EDNRB: variants seen among roughly 807,000 people sequenced by gnomAD.
EDNRB encodes endothelin receptor type B.
A neutral mutation model predicts 46.4 loss-of-function variants in EDNRB; 18 were observed. The observed-to-expected ratio is 0.39, with a 90% confidence interval of 0.27 to 0.57. The LOEUF is 0.57. EDNRB is among the 20% of genes least tolerant of loss of function. The pLI, the probability that EDNRB is intolerant of heterozygous loss-of-function variation, is 0.61. For synonymous variants in EDNRB, 213 were observed against 204.9 expected (o/e 1.04, Z -0.34); for missense variants, 434 against 537.5 (o/e 0.81, Z 1.90).
chr13:77,916,822 A>T (rs1879828660), intron 1 of EDNRB, among the ~76,000 whole-genome samples: 1 of 152,214 alleles, frequency 6.6e-6, no homozygotes, highest in African/African-American at 2.4e-5. Context: ...TTTTATGTGC[A>T]ACTTTCTATT....
chr13:77,962,054 C>T (rs548770633), intron 1 of EDNRB, among the ~76,000 whole-genome samples: 2 of 152,218 alleles, frequency 1.3e-5, no homozygotes, highest in South Asian at 4.1e-4. Context: ...TTCCTGGACA[C>T]GTACACCCTC....
intron 1 of EDNRB, among the ~76,000 whole-genome samples, chr13:77,935,285 C>G (rs1453626400): frequency 6.6e-6 from 1 of 152,150 alleles, no homozygotes; most frequent in African/African-American, 2.4e-5. Flanking sequence ...AGTCCCAGTT[C>G]TTGTGTAAGA....
upstream of EDNRB, chr13:77,919,527 C>A: frequency 6.2e-7 from 1 of 1,612,766 alleles, no homozygotes; most frequent in African/African-American, 1.3e-5. Context: ...GGGTCCGGCT[C>A]TGACGAAACG....
chr13:77,907,796 G>A (rs1247403966), intron 1 of EDNRB, among the ~76,000 whole-genome samples: 2 of 151,766 alleles, frequency 1.3e-5, no homozygotes, highest in Non-Finnish European at 2.9e-5. Flanking sequence ...GCCATGTTTT[G>A]AGGTTTCCAT....
intron 1 of EDNRB, among the ~76,000 whole-genome samples, chr13:77,916,898 T>A (rs1879831726): frequency 6.8e-6 from 1 of 146,408 alleles, no homozygotes; most frequent in African/African-American, 2.5e-5. Flanking sequence ...ATTTTCCAAC[T>A]GTTTTATTTA....
intron 1 of EDNRB, among the ~76,000 whole-genome samples, chr13:77,968,828 A>G (rs1219563186): frequency 1.3e-5 from 2 of 152,158 alleles, no homozygotes; most frequent in Non-Finnish European, 2.9e-5. Context: ...AAAATTGTGT[A>G]CTGCTCCTTA....
At chr13:77,912,713 T>G (rs1180188617) in intron 1 of EDNRB, among the ~76,000 whole-genome samples, 1 of 152,154 alleles carries the variant, frequency 6.6e-6, no homozygotes, top group African/African-American at 2.4e-5. Flanking sequence ...TAACACGTTT[T>G]AAAAGTTAAT....
At chr13:77,961,380 G>GAAAGTATATTCCACCCTCCTAAGAC (rs1881407000) in intron 1 of EDNRB, among the ~76,000 whole-genome samples, 4 of 152,156 alleles carry the variant, frequency 2.6e-5, no homozygotes, top group African/African-American at 9.7e-5. Context: ...ATAGTTGGAA[G>GAAAGTATATTCCACCCTCCTAAGAC]TAAAGCACTC....
chr13:77,972,462 C>T (rs2137697212), intron 1 of EDNRB, among the ~76,000 whole-genome samples: 1 of 152,264 alleles, frequency 6.6e-6, no homozygotes, highest in Admixed American at 6.5e-5. Flanking sequence ...CGGGGCAGTT[C>T]ATCCTTGCTC....
intron 1 of EDNRB, among the ~76,000 whole-genome samples, chr13:77,916,009 A>T (rs1879790242): frequency 6.6e-6 from 1 of 152,228 alleles, no homozygotes; most frequent in South Asian, 2.1e-4. Flanking sequence ...CAGAGGAAAT[A>T]AGATGGTTCT....
chr13:77,899,748 G>A, intron 6 of EDNRB, 111 bp downstream of exon 6: 2 of 798,586 alleles, frequency 2.5e-6, no homozygotes, highest in Non-Finnish European at 4.0e-6. Context: ...TAATAAAAGG[G>A]AAACTATAAG....
At chr13:77,972,452 C>A (rs912138667) in intron 1 of EDNRB, among the ~76,000 whole-genome samples, 1 of 152,230 alleles carries the variant, frequency 6.6e-6, no homozygotes, top group East Asian at 1.9e-4. Context: ...AAAAACCAGT[C>A]GGGGCAGTTC....
intron 1 of EDNRB, among the ~76,000 whole-genome samples, chr13:77,927,187 A>G (rs1594379084): frequency 6.6e-6 from 1 of 152,152 alleles, no homozygotes; most frequent in Admixed American, 6.5e-5. Context: ...CTAGTTATCT[A>G]CTTCTCATAG....
At chr13:77,950,026 G>T (rs2137673419) in intron 1 of EDNRB, among the ~76,000 whole-genome samples, 1 of 152,136 alleles carries the variant, frequency 6.6e-6, no homozygotes, top group South Asian at 2.1e-4. Flanking sequence ...TCATGGTTTG[G>T]GTTGCAAGCC....
intron 3 of EDNRB, 90 bp from the exon 4 acceptor site, chr13:77,901,297 A>G (rs1430651163): frequency 7.4e-7 from 1 of 1,356,640 alleles, no homozygotes; most frequent in Non-Finnish European, 1.0e-6. Flanking sequence ...TTCATCAGGG[A>G]ATGATTATCT....
intron 1 of EDNRB, among the ~76,000 whole-genome samples, chr13:77,908,517 G>A (rs1436699699): frequency 2.0e-5 from 3 of 151,158 alleles, no homozygotes; most frequent in Non-Finnish European, 4.4e-5. Flanking sequence ...ATGATTCTTA[G>A]ACATTCATTT....
At chr13:77,966,951 A>G (rs1003271188) in intron 1 of EDNRB, among the ~76,000 whole-genome samples, 83 of 152,150 alleles carry the variant, frequency 5.5e-4, no homozygotes, top group African/African-American at 2.0e-3. Context: ...CCCTTAGGAA[A>G]TCCTCTAAAT....
At position 77,897,672 on chromosome 13, in the gene EDNRB, C is replaced by A; in HGVS notation, c.*528G>T. On this transcript the variant is annotated 3_prime_UTR_variant, in exon 7 of 7. Transcript: ENST00000646607. ...TGTTTCCAGTGTCCGAAAAATGCAA[C>A]AACTAAACTGCTCTCTCATTTGCAT... 5.1e-6 allele frequency: 5 copies of A among 986,746 alleles called. No homozygotes were observed. The highest frequency in any genetic ancestry group is 6.0e-6 in the Non-Finnish European group (5 of 831,010). 61.1% of individuals were successfully genotyped at this position (986,746 alleles called of 1,614,324 possible).
rs544479094 is a variant in EDNRB, at chr13:77,939,904, G to A, written c.-51-21280C>T. 4 of 152,164 alleles carry A rather than the reference G, an allele frequency of 2.6e-5. No homozygotes were observed. In the South Asian group the frequency reaches 6.2e-4, roughly 24 times the overall value. 9.4% of individuals were successfully genotyped at this position (152,164 alleles called of 1,614,324 possible). A position where few individuals can be genotyped will look rare whatever the true frequency, so the allele number is the denominator to read the frequency against. ...CCAGCTACTTGGGAGGCTGATGCAG[G>A]AAAATCACTGGAACCCGGGAGGTGG... is the stretch of plus-strand genomic sequence containing the variant. On this transcript the variant is annotated intron_variant, in intron 1 of 7. Transcript: ENST00000646948.
Sources: gnomAD v4.1 joint callset for allele counts (sites outside exome capture counted in the v4.1 genomes callset) on GRCh38, gnomAD v4.1.1 for gene constraint, MANE v1.5 for transcripts, NCBI Gene and HGNC (gene_info 2026-07-23, HGNC 2026-07-21) for gene names.